The following EHD2 variants were observed in gnomAD, a reference collection of about 807,000 sequenced individuals.
EHD2 encodes the protein EH domain-containing protein 2.
In EHD2, 27 loss-of-function variants were observed where a neutral mutation model predicts 41.0. The ratio of observed to expected loss-of-function variants is 0.66; its 90% CI spans 0.49 to 0.91. The LOEUF (loss-of-function observed/expected upper bound fraction) is 0.91, where lower values mean the gene tolerates loss of function less well. Ranked by LOEUF, EHD2 falls within the 40% of genes least tolerant of loss-of-function variation. The probability of loss-of-function intolerance (pLI) is 0.00; values close to 1 mark genes in which losing one functional copy is unlikely to be tolerated. For missense variants in EHD2, 673 were observed against 773.9 expected (o/e 0.87, Z 1.55); for synonymous variants, 342 against 341.0 (o/e 1.00, Z -0.03).
At position 47,724,959 on chromosome 19, in the gene EHD2, G is replaced by T. The variant is rs796472625; in HGVS notation, c.503-853G>T. ...TTCATGCCACTGCACTCCAGCCTGG[G>T]CGACAGAGTGAGACTCTGTCTCAAA... On this transcript the variant is annotated intron_variant, in intron 3 of 5. Coordinates refer to ENST00000263277, the MANE Select transcript of EHD2 (RefSeq NM_014601.4). Among the ~76,000 whole-genome samples, 11 of 112,092 alleles carry T rather than the reference G, an allele frequency of 9.8e-5. 1 individual carries two copies. Among genetic ancestry groups the T allele is most frequent in the African/African-American group, 3.9e-4 (11 of 28,270 alleles). The allele number at this position is 112,092 out of a possible 152,430, so 73.5% of individuals were successfully genotyped here. A position where few individuals can be genotyped will look rare whatever the true frequency, so the allele number is the denominator to read the frequency against.
At chr19:47,733,361 G>A (rs1445166620) in intron 4 of EHD2, among the ~76,000 whole-genome samples, 2 of 151,474 alleles carry the variant, frequency 1.3e-5, no homozygotes, top group East Asian at 2.0e-4. Context: ...TCAGCCTCTT[G>A]AGAAGAGAAG....
intron 5 of EHD2, 51 bp from the exon 6 acceptor site, chr19:47,740,830 C>A: frequency 6.3e-7 from 1 of 1,584,914 alleles, no homozygotes; most frequent in Admixed American, 1.9e-5. Context: ...AGCCTGAGGG[C>A]CTCAGGGATG....
chr19:47,736,233 TAAAAG>T lies in EHD2; in HGVS notation c.916-132_916-128del, dbSNP rs1966921101. The T allele has an allele frequency of 8.2e-6, 6 of 728,664 alleles. 1 individual carries two copies. Among genetic ancestry groups the T allele is most frequent in the Non-Finnish European group, 4.1e-6 (2 of 482,860 alleles). 45.1% of individuals were successfully genotyped at this position (728,664 alleles called of 1,614,324 possible). A position where few individuals can be genotyped will look rare whatever the true frequency, so the allele number is the denominator to read the frequency against. On this transcript the variant is annotated intron_variant, in intron 4 of 5. Transcript: ENST00000263277. ...AGAGAGAGAGAGAGAGAAAAAGAAA[TAAAAG>T]AAATACAAATTCTCATGCCCCAGCC...
intron 3 of EHD2, among the ~76,000 whole-genome samples, chr19:47,724,711 A>G (rs1973731173): frequency 6.6e-6 from 1 of 152,198 alleles, no homozygotes; most frequent in Non-Finnish European, 1.5e-5. Context: ...CCAGGCTCCC[A>G]GGACAGGGCT....
At chr19:47,740,752 C>A (rs1391153359) in intron 5 of EHD2, 129 bp from the exon 6 acceptor site, 5 of 1,044,718 alleles carry the variant, frequency 4.8e-6, no homozygotes, top group Non-Finnish European at 6.8e-6. Context: ...TGTCTCAAAA[C>A]AAACAACAGT....
At chr19:47,728,381 C>T (rs1162435958) in intron 4 of EHD2, among the ~76,000 whole-genome samples, 1 of 152,018 alleles carries the variant, frequency 6.6e-6, no homozygotes, top group Non-Finnish European at 1.5e-5. Context: ...CAAGACTCTG[C>T]TCAAATGCTC....
chr19:47,717,709 C>A (rs1380283463), intron 2 of EHD2, among the ~76,000 whole-genome samples: 1 of 151,826 alleles, frequency 6.6e-6, no homozygotes, highest in Non-Finnish European at 1.5e-5. Flanking sequence ...GAGTTGGAGA[C>A]CAGCCTGGCC....
intron 4 of EHD2, among the ~76,000 whole-genome samples, chr19:47,735,434 G>C (rs1301083365): frequency 6.6e-6 from 1 of 152,068 alleles, no homozygotes; most frequent in African/African-American, 2.4e-5. Context: ...CCTGTAACTT[G>C]TCAGAAATGC....
intron 2 of EHD2, among the ~76,000 whole-genome samples, chr19:47,718,001 A>G (rs188960832): frequency 7.0e-5 from 10 of 143,656 alleles, no homozygotes; most frequent in African/African-American, 2.3e-4. Context: ...GGCCGGGCGC[A>G]GTGTCTCACG....
chr19:47,720,593 C>A (rs1973684839), intron 3 of EHD2, among the ~76,000 whole-genome samples: 1 of 151,922 alleles, frequency 6.6e-6, no homozygotes, highest in South Asian at 2.1e-4. Flanking sequence ...GTGAGAGAGA[C>A]AGACATAAAG....
chr19:47,740,819 C>A (rs986476139), intron 5 of EHD2, 62 bp from the exon 6 acceptor site: 3 of 1,552,578 alleles, frequency 1.9e-6, no homozygotes, highest in Non-Finnish European at 2.6e-6. Flanking sequence ...TACCACCTTG[C>A]AGCCTGAGGG....
chr19:47,741,417 G>C lies in EHD2; in HGVS notation c.1617G>C (p.Lys539Asn). 2 of 1,562,270 alleles carry C rather than the reference G, an allele frequency of 1.3e-6. No individual in the cohort carries two copies. The highest frequency in any genetic ancestry group is 1.7e-6 in the Non-Finnish European group (2 of 1,165,888). Residue 539 changes from lysine (K) to asparagine (N), a missense_variant, in exon 6 of 6, where the codon AAG becomes AAC. Transcript: ENST00000263277. This position sits in a 1 kb window ranked among gnomAD's most constrained non-coding sequence, Gnocchi z 4.5. ...TGCCACCCTCCAAGCGACGCCACAA[G>C]GGCTCCGCCGAGTGAGCCGGCCCCC... ...RLVPPSKRRH[K>N]GSAE
chr19:47,722,345 A>AG (rs961070216), intron 3 of EHD2, among the ~76,000 whole-genome samples: 7 of 148,902 alleles, frequency 4.7e-5, no homozygotes, highest in Non-Finnish European at 8.9e-5. Context: ...ACCGGGAGGG[A>AG]GGGGGGGCTC....
rs202176899 is a variant in EHD2 at position 47,716,891 on chromosome 19, C to G, written c.279C>G (p.Thr93=). Reference sequence around the variant, plus strand: ...GCTCCCGCGTGGGGCCTGAGCCCACCACCGACTGCTTTGTGGCCGTCATGC... The same window carrying G: ...GCTCCCGCGTGGGGCCTGAGCCCACGACCGACTGCTTTGTGGCCGTCATGC... The part of the protein sequence containing the change: ...VPGSRVGPEP[T]TDCFVAVMHG... Residue 93 remains threonine (T), a synonymous_variant, in exon 2 of 6, where the codon ACC becomes ACG. Transcript: ENST00000263277. 6.2e-7 allele frequency: 1 copy of G among 1,612,632 alleles called. No individual in the cohort carries two copies.
In EHD2 at chr19:47,741,844, A is replaced by C; in HGVS notation, c.*412A>C. ...GACGTTCCCAGGAGAGGGCACCTAC[A>C]CAGTCACGCAAACACACACTAATTC... On this transcript the variant is annotated 3_prime_UTR_variant, in exon 6 of 6. Transcript: ENST00000263277. The surrounding 1 kb of genome is among the most constrained non-coding windows in gnomAD (Gnocchi z 4.5). 1 of 465,382 alleles carries C rather than the reference A, an allele frequency of 2.1e-6. No individual in the cohort carries two copies. Among genetic ancestry groups the C allele is most frequent in the Non-Finnish European group, 4.3e-6 (1 of 233,246 alleles). The allele number at this position is 465,382 out of a possible 1,614,324, so 28.8% of individuals were successfully genotyped here.
intron 4 of EHD2, among the ~76,000 whole-genome samples, chr19:47,735,665 G>C (rs1309145344): frequency 6.6e-6 from 1 of 152,002 alleles, no homozygotes; most frequent in Non-Finnish European, 1.5e-5. Context: ...CACTTTGGGA[G>C]GCCACGGCGG....
rs769234112 is a variant in EHD2, at chr19:47,722,756, C to T, written c.503-3056C>T. On this transcript the variant is annotated intron_variant, in intron 3 of 5. Coordinates refer to ENST00000263277, the MANE Select transcript of EHD2 (RefSeq NM_014601.4). ...AATTTTTTTGTATTTTTAGTGGAGA[C>T]GGGGTTTCACTATGTTGGTCAGGCT... Among the ~76,000 whole-genome samples the T allele has an allele frequency of 7.2e-5, 11 of 151,996 alleles. No individual in the cohort carries two copies. In the South Asian group the frequency reaches 8.3e-4, roughly 11 times the overall value.
At chr19:47,724,615 G>A (rs1226373949) in intron 3 of EHD2, among the ~76,000 whole-genome samples, 1 of 152,122 alleles carries the variant, frequency 6.6e-6, no homozygotes. Flanking sequence ...ATGGTGAAAG[G>A]AATGAATGAA....
chr19:47,739,713 G>C (rs1360464626), intron 5 of EHD2, among the ~76,000 whole-genome samples: 1 of 150,812 alleles, frequency 6.6e-6, no homozygotes, highest in Non-Finnish European at 1.5e-5. Context: ...CTCCCAAAGT[G>C]CTGGGATTAC....
Sources: gnomAD v4.1 joint callset for allele counts (sites outside exome capture counted in the v4.1 genomes callset) on GRCh38, gnomAD v4.1.1 for gene constraint, Gnocchi (gnomAD v3.1) non-coding constraint, MANE v1.5 for transcripts, NCBI Gene and HGNC (gene_info 2026-07-23, HGNC 2026-07-21) for gene names.